The following RASAL3 variants were observed in gnomAD, a reference collection of about 807,000 sequenced individuals.
RASAL3 encodes RAS protein activator like-3.
Under a neutral mutation model 105.5 loss-of-function variants are expected in RASAL3, and 74 were observed. That is an observed-to-expected ratio of 0.70 (90% CI 0.58 to 0.85). The LOEUF (loss-of-function observed/expected upper bound fraction) is 0.85. Among genes scored for constraint, RASAL3 ranks in the 40% least tolerant of loss-of-function variants. The probability of loss-of-function intolerance (pLI) is 0.00; values close to 1 mark genes in which losing one functional copy is unlikely to be tolerated. For missense variants in RASAL3, 1,352 were observed against 1,392.0 expected (o/e 0.97, Z 0.46); for synonymous variants, 579 against 591.6 (o/e 0.98, Z 0.31).
Position 15,464,243 on chromosome 19 carries a change from C to G in RASAL3, c.116G>C (p.Arg39Pro). ...GGGEKAAGGF[R>P]WGRFAGWGRA... ...GCCCCAGCCAGCAAAGCGGCCCCAG[C>G]GGAACCCTCCAGCCGCCTTCTCCCC... Residue 39 changes from arginine to proline, a missense_variant, in exon 2 of 18, where the codon CGC becomes CCC. Transcript: ENST00000343625. 6.2e-7 allele frequency: 1 copy of G among 1,608,964 alleles called. No homozygotes were observed. Among genetic ancestry groups the G allele is most frequent in the Non-Finnish European group, 8.5e-7 (1 of 1,178,238 alleles).
chr19:15,457,263 C>T lies in RASAL3; in HGVS notation c.1431+29G>A, dbSNP rs1456695189. The T allele has an allele frequency of 8.0e-7, 1 of 1,250,226 alleles. No homozygotes were observed. The highest frequency in any genetic ancestry group is 2.7e-5 in the South Asian group (1 of 37,714). 77.4% of individuals were successfully genotyped at this position (1,250,226 alleles called of 1,614,324 possible). ...CGCGTTATCGGTCTACCCCTGGTAG[C>T]CCCGGTCCGCGCTGTCGCGGTGCCG... On this transcript the variant is annotated intron_variant, in intron 9 of 17. Transcript: ENST00000343625. This position sits in a 1 kb window ranked among gnomAD's most constrained non-coding sequence, Gnocchi z 8.6.
intron 8 of RASAL3, 194 bp downstream of exon 8, chr19:15,458,134 C>G (rs935524928): frequency 4.6e-6 from 3 of 645,222 alleles, no homozygotes; most frequent in African/African-American, 3.7e-5. Context: ...CGGGAGTGGA[C>G]AGAAGGGGCG....
Position 15,457,307 on chromosome 19 carries a change from G to A in RASAL3, c.1416C>T (p.Ala472=). The stretch of plus-strand genomic sequence containing the variant: ...GGTGCCGCACCTGCGCCCGGCCGGT[G>A]GCCCGCAGCACGCGCACCATGGCTG... ...LAAAMVRVLR[A]TGRAQALVTD... The change falls in exon 9 of 18, where the codon GCC becomes GCT. Residue 472 remains alanine (A), a synonymous_variant. Transcript: ENST00000343625. This position sits in a 1 kb window ranked among gnomAD's most constrained non-coding sequence, Gnocchi z 8.6. 7.6e-7 allele frequency: 1 copy of A among 1,308,758 alleles called. No homozygotes were observed. The highest frequency in any genetic ancestry group is 9.7e-7 in the Non-Finnish European group (1 of 1,030,452). The allele number at this position is 1,308,758 out of a possible 1,614,324, so 81.1% of individuals were successfully genotyped here.
chr19:15,461,445 C>G, intron 3 of RASAL3, 26 bp downstream of exon 3: 3 of 1,544,034 alleles, frequency 1.9e-6, no homozygotes, highest in Non-Finnish European at 2.6e-6. Flanking sequence ...CTTCCCTCCT[C>G]CCCTTTCCCA....
At position 15,451,764 on chromosome 19, in the gene RASAL3, A is replaced by T; in HGVS notation, c.*31T>A. On this transcript the variant is annotated 3_prime_UTR_variant, in exon 18 of 18. Transcript: ENST00000343625. ...CTAAGATGGCTATCTCTCTGCTCCCAGACCACGTGTGATGAGGCAGGATGG... is the reference window on the plus strand; with the variant it reads ...CTAAGATGGCTATCTCTCTGCTCCCTGACCACGTGTGATGAGGCAGGATGG... The T allele has an allele frequency of 1.3e-6, 2 of 1,569,102 alleles. No individual in the cohort carries two copies. The highest frequency in any genetic ancestry group is 1.7e-6 in the Non-Finnish European group (2 of 1,150,644).
Position 15,456,307 on chromosome 19 carries a change from C to G in RASAL3, c.1577-59G>C. 1 of 1,592,898 alleles carries G rather than the reference C, an allele frequency of 6.3e-7. No individual in the cohort carries two copies. Among genetic ancestry groups the G allele is most frequent in the African/African-American group, 1.3e-5 (1 of 74,550 alleles). ...CCATGACCACCAAAACCTGCCACAC[C>G]CATCCTCCAACCTTGTCTTCAGGTT... On this transcript the variant is annotated intron_variant, in intron 10 of 17. Transcript: ENST00000343625. The surrounding 1 kb of genome is among the most constrained non-coding windows in gnomAD (Gnocchi z 4.4).
Position 15,456,585 on chromosome 19 carries a change from A to C in RASAL3, c.1493T>G (p.Leu498Arg). Reference sequence around the variant, plus strand: ...GGTGGCCAATGTGTTTTCCCGGAACAGCAGCGCCTCACGGCCTCCACAGCG... The same window carrying C: ...GGTGGCCAATGTGTTTTCCCGGAACCGCAGCGCCTCACGGCCTCCACAGCG... ...LARCGGREAL[L>R]FRENTLATKA... The change falls in exon 10 of 18, where the codon CTG becomes CGG. Residue 498 changes from leucine (L) to arginine (R), a missense_variant. Leu to Arg is a moderately radical substitution (Grantham distance 102, BLOSUM62 -2). Coordinates refer to ENST00000343625, the MANE Select transcript of RASAL3 (RefSeq NM_022904.3). This position sits in a 1 kb window ranked among gnomAD's most constrained non-coding sequence, Gnocchi z 4.4. 1 of 1,613,784 alleles carries C rather than the reference A, an allele frequency of 6.2e-7. No homozygotes were observed. Among genetic ancestry groups the C allele is most frequent in the Non-Finnish European group, 8.5e-7 (1 of 1,179,812 alleles).
Position 15,456,873 on chromosome 19 carries a change from G to A in RASAL3, c.1432-227C>T, listed in dbSNP as rs1057132834. ...GTGCAACCTGGGCCCCGCCCCTCAC[G>A]CGTGATGCTCAGGCCCCTGTCGCAG... On this transcript the variant is annotated intron_variant, in intron 9 of 17. Coordinates refer to ENST00000343625, the MANE Select transcript of RASAL3 (RefSeq NM_022904.3). This position sits in a 1 kb window ranked among gnomAD's most constrained non-coding sequence, Gnocchi z 4.4. 1.0e-5 allele frequency: 6 copies of A among 591,232 alleles called. No individual in the cohort carries two copies. The highest frequency in any genetic ancestry group is 1.8e-5 in the Non-Finnish European group (6 of 336,098). The allele number at this position is 591,232 out of a possible 1,614,324, so 36.6% of individuals were successfully genotyped here. A position where few individuals can be genotyped will look rare whatever the true frequency, so the allele number is the denominator to read the frequency against.
At chr19:15,460,457 G>A (rs994697274) in intron 5 of RASAL3, among the ~76,000 whole-genome samples, 199 bp from the exon 6 acceptor site, 5 of 152,026 alleles carry the variant, frequency 3.3e-5, no homozygotes, top group East Asian at 1.9e-4. Context: ...TCGTGCTGTC[G>A]CCCAGGCTGG....
At chr19:15,460,575 ACTTG>A (rs1970477063) in intron 5 of RASAL3, among the ~76,000 whole-genome samples, 1 of 151,790 alleles carries the variant, frequency 6.6e-6, no homozygotes, top group Non-Finnish European at 1.5e-5. Flanking sequence ...AGAATTGGGG[ACTTG>A]CTATGTTGCC....
chr19:15,464,417 C>A, intron 1 of RASAL3, 40 bp from the exon 2 acceptor site: 1 of 1,516,384 alleles, frequency 6.6e-7, no homozygotes, highest in Non-Finnish European at 9.0e-7. Flanking sequence ...CAGTGTCTGT[C>A]CACATACTGC....
intron 2 of RASAL3, 118 bp downstream of exon 2, chr19:15,463,913 G>C: frequency 1.0e-6 from 1 of 971,468 alleles, no homozygotes; most frequent in Non-Finnish European, 1.5e-6. Context: ...GCTTCCTGCT[G>C]GGCTTTTGCA....
chr19:15,462,512 A>AACAAAAACAAAAACAAAC, intron 2 of RASAL3, among the ~76,000 whole-genome samples: 1 of 151,678 alleles, frequency 6.6e-6, no homozygotes, highest in African/African-American at 2.4e-5. Context: ...CAAAAACAAA[A>AACAAAAACAAAAACAAAC]TGGGAATATA....
chr19:15,458,665 G>A lies in RASAL3; in HGVS notation c.663-10C>T, dbSNP rs1599744718. 3 of 1,611,488 alleles carry A rather than the reference G, an allele frequency of 1.9e-6. No homozygotes were observed. The highest frequency in any genetic ancestry group is 2.5e-6 in the Non-Finnish European group (3 of 1,179,030). On this transcript the variant is annotated splice_polypyrimidine_tract_variant and intron_variant, in intron 6 of 17. Transcript: ENST00000343625. Reference sequence around the variant, plus strand: ...CAGAGCACTGGGGGGTCTGGGAAGGGGGTGGGTGAGCACACCGTCATTCCT... The same window carrying A: ...CAGAGCACTGGGGGGTCTGGGAAGGAGGTGGGTGAGCACACCGTCATTCCT...
Position 15,464,382 on chromosome 19 carries a change from G to A in RASAL3, c.-19-5C>T. 2.8e-6 allele frequency: 4 copies of A among 1,438,414 alleles called. 1 individual carries two copies. The highest frequency in any genetic ancestry group is 3.9e-6 in the Non-Finnish European group (4 of 1,036,858). 89.1% of individuals were successfully genotyped at this position (1,438,414 alleles called of 1,614,324 possible). On this transcript the variant is annotated splice_polypyrimidine_tract_variant and splice_region_variant and intron_variant, in intron 1 of 17. Coordinates refer to ENST00000343625, the MANE Select transcript of RASAL3 (RefSeq NM_022904.3). Reference sequence around the variant, plus strand: ...ATGGTTGGGGGGGGGGGTCTCCTGGGGGACGAGAGAGTGACAGTAGTGCCC... The same window carrying A: ...ATGGTTGGGGGGGGGGGTCTCCTGGAGGACGAGAGAGTGACAGTAGTGCCC...
chr19:15,460,846 T>C (rs1246216811), intron 5 of RASAL3, among the ~76,000 whole-genome samples: 1 of 152,178 alleles, frequency 6.6e-6, no homozygotes, highest in Non-Finnish European at 1.5e-5. Flanking sequence ...AGCTGCGCAC[T>C]GCCCTGCCTG....
chr19:15,454,592 G>C (rs538309843), intron 12 of RASAL3, 30 bp from the exon 13 acceptor site: 2 of 1,612,928 alleles, frequency 1.2e-6, no homozygotes, highest in East Asian at 4.5e-5. Flanking sequence ...GGTGGGTCAG[G>C]TCAGGCACCT....
chr19:15,463,749 G>C (rs561114822), intron 2 of RASAL3, among the ~76,000 whole-genome samples: 2 of 152,086 alleles, frequency 1.3e-5, no homozygotes, highest in African/African-American at 2.4e-5. Context: ...GGAGAGACCC[G>C]TTGGGGCCAA....
Position 15,454,238 on chromosome 19 carries a change from G to A in RASAL3, c.2190C>T (p.Pro730=). 1 of 1,566,366 alleles carries A rather than the reference G, an allele frequency of 6.4e-7. No individual in the cohort carries two copies. The highest frequency in any genetic ancestry group is 8.7e-7 in the Non-Finnish European group (1 of 1,155,534). Residue 730 remains proline (P), a synonymous_variant, in exon 14 of 18, where the codon CCC becomes CCT. Transcript: ENST00000343625. ...QTTRDTLEPL[P]TILRAIEEGQ... is the part of the protein sequence containing the mutation. The stretch of plus-strand genomic sequence containing the variant: ...CCTCCTCAATGGCTCGCAGGATGGT[G>A]GGCAGTGGTTCCAGGGTGTCTCGGG...
Sources: allele counts gnomAD v4.1 joint callset (sites outside exome capture counted in the v4.1 genomes callset), GRCh38; gene constraint gnomAD v4.1.1; non-coding constraint Gnocchi (gnomAD v3.1); transcripts MANE v1.5; gene names NCBI Gene and HGNC (gene_info 2026-07-23, HGNC 2026-07-21).